MYO10: variants seen among roughly 807,000 people sequenced by gnomAD.
MYO10 encodes the protein myosin X, also known as unconventional myosin-X.
A neutral mutation model predicts 257.3 loss-of-function variants in MYO10; 133 were observed. The observed-to-expected ratio is 0.52, with a 90% CI of 0.45 to 0.60. The LOEUF (loss-of-function observed/expected upper bound fraction) is 0.60. Ranked by LOEUF, MYO10 falls within the 20% of genes least tolerant of loss-of-function variation. MYO10 has a pLI of 0.00. For missense variants in MYO10, 2,399 were observed against 2,635.7 expected, an observed-to-expected ratio of 0.91 and a Z score of 1.97; for synonymous variants, 1,104 against 1,028.6, an observed-to-expected ratio of 1.07 and a Z score of -1.40.
chr5:16,894,284 T>C (rs1223518357), intron 1 of MYO10, among the ~76,000 whole-genome samples: 4 of 152,310 alleles, frequency 2.6e-5, no homozygotes, highest in Non-Finnish European at 2.9e-5. Flanking sequence ...TTGACGGTTT[T>C]GAGAAATGCT....
chr5:16,712,843 G>A (rs985447225), intron 19 of MYO10, among the ~76,000 whole-genome samples: 1 of 152,184 alleles, frequency 6.6e-6, no homozygotes, highest in Non-Finnish European at 1.5e-5. Context: ...GTGGTTCTCT[G>A]TTTTTAGTCT....
chr5:16,904,575 C>A (rs1388419950), intron 1 of MYO10, among the ~76,000 whole-genome samples: 1 of 152,154 alleles, frequency 6.6e-6, no homozygotes, highest in African/African-American at 2.4e-5. Flanking sequence ...GTGTCTGCTG[C>A]AGAACTGATT....
Position 16,897,302 on chromosome 5 carries a change from T to TAAAAAA in MYO10, c.22-19601_22-19596dup, listed in dbSNP as rs3060810. Among the ~76,000 whole-genome samples the TAAAAAA allele has an allele frequency of 1.5e-4, 20 of 129,096 alleles. 1 individual carries two copies. The highest frequency in any genetic ancestry group is 2.5e-4 in the South Asian group (1 of 4,036). 84.7% of individuals were successfully genotyped at this position (129,096 alleles called of 152,430 possible). A position where few individuals can be genotyped will look rare whatever the true frequency, so the allele number is the denominator to read the frequency against. On this transcript the variant is annotated intron_variant, in intron 1 of 40. Coordinates refer to ENST00000513610, the MANE Select transcript of MYO10 (RefSeq NM_012334.3). ...AATATCGCCTGAAATTTACACTTCG[T>TAAAAAA]AAAAAAAAAAAAAAAAAGTCCTTTA... is the stretch of plus-strand genomic sequence containing the variant.
intron 3 of MYO10, among the ~76,000 whole-genome samples, chr5:16,802,898 G>A (rs1742162303): frequency 6.6e-6 from 1 of 151,102 alleles, no homozygotes; most frequent in Admixed American, 6.6e-5. Flanking sequence ...GAGCCCAGGA[G>A]TTCAAGACCG....
Position 16,758,178 on chromosome 5 carries a change from G to A in MYO10, c.1788C>T (p.Asn596=). 1 of 1,613,766 alleles carries A rather than the reference G, an allele frequency of 6.2e-7. No individual in the cohort carries two copies. The highest frequency in any genetic ancestry group is 8.5e-7 in the Non-Finnish European group (1 of 1,179,718). The part of the protein sequence containing the change: ...DLFEHVSSRN[N]QDTLKCGSKH... Reference sequence around the variant, plus strand: ...TGCTTCCACATTTCAAGGTATCCTGGTTGTTGCGGCTTGAAACATGTTCAA... The same window carrying A: ...TGCTTCCACATTTCAAGGTATCCTGATTGTTGCGGCTTGAAACATGTTCAA... Residue 596 remains asparagine (N), a synonymous_variant, in exon 18 of 41, where the codon AAC becomes AAT. Transcript: ENST00000513610.
At chr5:16,747,791 T>C (rs1263998385) in intron 19 of MYO10, among the ~76,000 whole-genome samples, 1 of 150,988 alleles carries the variant, frequency 6.6e-6, no homozygotes, top group African/African-American at 2.4e-5. Context: ...GGGTGGCAGG[T>C]GCCTGTAGTC....
intron 2 of MYO10, among the ~76,000 whole-genome samples, chr5:16,820,111 G>A (rs146705026): frequency 3.3e-5 from 5 of 152,344 alleles, no homozygotes; most frequent in South Asian, 2.1e-4. Context: ...GAAGTGCTTC[G>A]CACCCAGAAG....
At chr5:16,780,453 T>A (rs1431524074) in intron 8 of MYO10, 71 bp downstream of exon 8, 1 of 1,309,718 alleles carries the variant, frequency 7.6e-7, no homozygotes, top group Non-Finnish European at 1.1e-6. Context: ...AGATGTTCTC[T>A]CATTTACTGA....
intron 29 of MYO10, 48 bp downstream of exon 29, chr5:16,685,690 T>G: frequency 8.0e-7 from 1 of 1,243,152 alleles, no homozygotes. Flanking sequence ...GCCCTCCCCG[T>G]CCCTGCCCCT....
intron 28 of MYO10, among the ~76,000 whole-genome samples, chr5:16,688,812 T>G (rs994632665): frequency 2.0e-5 from 3 of 151,312 alleles, no homozygotes; most frequent in African/African-American, 7.3e-5. Context: ...CCCTGCAGAC[T>G]CACAAACTCA....
intron 3 of MYO10, among the ~76,000 whole-genome samples, chr5:16,809,530 C>T (rs1742371347): frequency 6.6e-6 from 1 of 152,190 alleles, no homozygotes. Flanking sequence ...TCTGTTCAAC[C>T]GGCTGCTAAA....
chr5:16,880,385 C>T (rs889595597), intron 1 of MYO10, among the ~76,000 whole-genome samples: 6 of 150,902 alleles, frequency 4.0e-5, no homozygotes. Context: ...CCTTTCCCCA[C>T]TGACCAACTC....
In MYO10 at chr5:16,794,704, C is replaced by T. The variant is rs752120643; in HGVS notation, c.409G>A (p.Ala137Thr). The T allele has an allele frequency of 1.2e-4, 189 of 1,613,394 alleles. No homozygotes were observed. The highest frequency in any genetic ancestry group is 1.5e-4 in the Non-Finnish European group (172 of 1,179,716). Reference protein sequence around the residue: ...GELPPHIFAIANECYRCLWKR... With the variant: ...GELPPHIFAITNECYRCLWKR... ...CACAGGCAGCGGTAGCACTCGTTGG[C>T]GATGGCGAAGATGTGCGGGGGCAGC... The change falls in exon 4 of 41, where the codon GCC becomes ACC. Residue 137 changes from alanine (A) to threonine (T), a missense_variant. Coordinates refer to ENST00000513610, the MANE Select transcript of MYO10 (RefSeq NM_012334.3).
chr5:16,695,132 A>G (rs31573), intron 26 of MYO10, among the ~76,000 whole-genome samples: 84,883 of 151,956 alleles, frequency 0.56, 23,951 homozygotes, highest in African/African-American at 0.61. Flanking sequence ...TCAGGAGTTC[A>G]AGACCAGCCT....
rs112394402 is a variant in MYO10 at position 16,781,116 on chromosome 5, C to G, written c.728-375G>C. On this transcript the variant is annotated intron_variant, in intron 6 of 40. Transcript: ENST00000513610. ...TTTTTTTAACACAGTGTCTCGCTCT[C>G]TCGCCCAGGCTGGAGTGCAGTGGCA... 7.3e-3 allele frequency among the ~76,000 whole-genome samples: 1,091 copies of G among 149,776 alleles called. 19 individuals are homozygous for G. The highest frequency in any genetic ancestry group is 0.025 in the African/African-American group (1,037 of 40,696).
chr5:16,813,315 T>A (rs1742498688), intron 3 of MYO10, among the ~76,000 whole-genome samples: 1 of 150,956 alleles, frequency 6.6e-6, no homozygotes, highest in South Asian at 2.1e-4. Context: ...AGCCCAGGAG[T>A]TCAAGACCAG....
intron 4 of MYO10, among the ~76,000 whole-genome samples, chr5:16,790,707 T>C (rs1741724673): frequency 6.6e-6 from 1 of 152,140 alleles, no homozygotes; most frequent in East Asian, 1.9e-4. Context: ...CCTCTTTCTT[T>C]TGTAAATTGC....
In MYO10 at chr5:16,936,194, G is replaced by A. The variant is rs1032857928; in HGVS notation, c.-386C>T. On this transcript the variant is annotated 5_prime_UTR_variant, in exon 1 of 41. Coordinates refer to ENST00000513610, the MANE Select transcript of MYO10 (RefSeq NM_012334.3). ...CCCTCGGGGCGGGCAGGAGGACAGC[G>A]GGCCGCAAAGTGAGCAGGAGCCGCG... 4 of 242,584 alleles carry A rather than the reference G, an allele frequency of 1.6e-5. No individual in the cohort carries two copies. The highest frequency in any genetic ancestry group is 1.2e-4 in the East Asian group (1 of 8,490). The allele number at this position is 242,584 out of a possible 1,614,324, so 15.0% of individuals were successfully genotyped here. A position where few individuals can be genotyped will look rare whatever the true frequency, so the allele number is the denominator to read the frequency against.
chr5:16,668,996 C>T (rs1043275752), intron 39 of MYO10, among the ~76,000 whole-genome samples: 1 of 152,134 alleles, frequency 6.6e-6, no homozygotes, highest in East Asian at 1.9e-4. Context: ...CTTCCATATG[C>T]AGAGTGGGAA....
Sources: gnomAD v4.1 joint callset for allele counts (sites outside exome capture counted in the v4.1 genomes callset) on GRCh38, gnomAD v4.1.1 for gene constraint, MANE v1.5 for transcripts, NCBI Gene and HGNC (gene_info 2026-07-23, HGNC 2026-07-21) for gene names.